WWOX: variants seen among roughly 807,000 people sequenced by gnomAD.
The protein encoded by WWOX is WW domain-containing oxidoreductase.
In WWOX, 69 loss-of-function variants were observed where a neutral mutation model predicts 46.2. That is an observed-to-expected ratio of 1.49 (90% CI 1.23 to 1.82). The LOEUF is 1.82. WWOX is among the 40% of genes most tolerant of loss of function. WWOX has a pLI of 0.00. For synonymous variants in WWOX, 359 were observed against 202.6 expected, an observed-to-expected ratio of 1.77 and a Z score of -6.56; for missense variants, 919 against 542.6, an observed-to-expected ratio of 1.69 and a Z score of -6.89.
intron 5 of WWOX, among the ~76,000 whole-genome samples, chr16:78,370,130 C>CCAA (rs2081636448): frequency 1.3e-5 from 1 of 76,110 alleles, no homozygotes; most frequent in African/African-American, 5.5e-5. Context: ...AGACTGTCTC[C>CCAA]AAAAAAAAAA....
At chr16:78,379,516 G>A (rs150450110) in intron 5 of WWOX, among the ~76,000 whole-genome samples, 7 of 152,296 alleles carry the variant, frequency 4.6e-5, no homozygotes, top group African/African-American at 1.4e-4. Context: ...TTCCAACACA[G>A]CATAACAAAG....
chr16:78,209,176 G>C (rs759617690), intron 5 of WWOX, among the ~76,000 whole-genome samples: 11 of 152,144 alleles, frequency 7.2e-5, no homozygotes, highest in Non-Finnish European at 1.6e-4. Context: ...AATACAATGG[G>C]TAAAACCAGT....
chr16:78,527,553 C>A (rs1377963669), intron 8 of WWOX, among the ~76,000 whole-genome samples: 3 of 152,134 alleles, frequency 2.0e-5, no homozygotes, highest in Admixed American at 2.0e-4. Context: ...CTCAGCCAGC[C>A]AAAGTGCTGG....
intron 5 of WWOX, among the ~76,000 whole-genome samples, chr16:78,172,159 A>G (rs1425752883): frequency 6.6e-6 from 1 of 152,086 alleles, no homozygotes; most frequent in Non-Finnish European, 1.5e-5. Flanking sequence ...CTCATACATT[A>G]TTTGCATTTA....
At chr16:78,306,863 C>G (rs112500247) in intron 5 of WWOX, among the ~76,000 whole-genome samples, 1 of 151,944 alleles carries the variant, frequency 6.6e-6, no homozygotes, top group Admixed American at 6.6e-5. Flanking sequence ...CTGAGCCCCA[C>G]TCCTTCCCAC....
At chr16:79,042,698 A>C (rs1319118836) in intron 8 of WWOX, among the ~76,000 whole-genome samples, 5 of 149,990 alleles carry the variant, frequency 3.3e-5, no homozygotes, top group East Asian at 3.9e-4. Flanking sequence ...CTTCAGGAAG[A>C]CTTTGTGGGA....
intron 8 of WWOX, among the ~76,000 whole-genome samples, chr16:79,054,499 A>G (rs1012684492): frequency 3.9e-5 from 6 of 152,164 alleles, no homozygotes; most frequent in Admixed American, 3.9e-4. Context: ...AGGGGAATAC[A>G]TTAATTTCTG....
chr16:78,758,500 A>G (rs1281029039), intron 8 of WWOX, among the ~76,000 whole-genome samples: 1 of 152,234 alleles, frequency 6.6e-6, no homozygotes, highest in Admixed American at 6.5e-5. Context: ...GCTTCCCCCA[A>G]GTGTGTTTCC....
chr16:78,219,367 T>A (rs1361448208), intron 5 of WWOX, among the ~76,000 whole-genome samples: 1 of 152,240 alleles, frequency 6.6e-6, no homozygotes, highest in Non-Finnish European at 1.5e-5. Context: ...TCGTAGGTTA[T>A]GAGTTTTTTA....
chr16:79,071,340 C>G (rs2048546845), intron 8 of WWOX, among the ~76,000 whole-genome samples: 1 of 152,094 alleles, frequency 6.6e-6, no homozygotes, highest in African/African-American at 2.4e-5. Flanking sequence ...AGTTGGTGTA[C>G]TTGTTAAAGG....
In WWOX at chr16:78,947,310, G is replaced by T. The variant is rs376819844; in HGVS notation, c.1057-264298G>T. On this transcript the variant is annotated intron_variant, in intron 8 of 8. Transcript: ENST00000566780. The stretch of plus-strand genomic sequence containing the variant: ...TTTCTGCCTGAAGCAATAAAGGCAG[G>T]AACGCTGTCATTAGCTTCAAACACC... Among the ~76,000 whole-genome samples, 9 of 152,286 alleles carry T rather than the reference G, an allele frequency of 5.9e-5. No individual in the cohort carries two copies. In the South Asian group the frequency reaches 1.9e-3, roughly 32 times the overall value.
At chr16:78,551,263 C>T (rs1051975745) in intron 8 of WWOX, 30 of 152,136 alleles carry the variant, frequency 2.0e-4, no homozygotes, top group Admixed American at 1.3e-4. Flanking sequence ...ACAGCATGCT[C>T]CTATATCTTT....
intron 8 of WWOX, among the ~76,000 whole-genome samples, chr16:79,184,090 A>G (rs574506212): frequency 6.6e-6 from 1 of 152,308 alleles, no homozygotes; most frequent in Admixed American, 6.5e-5. Flanking sequence ...CAAAATGGGG[A>G]AAAGTGGCAG....
intron 8 of WWOX, among the ~76,000 whole-genome samples, chr16:78,558,661 A>G (rs369647526): frequency 1.3e-5 from 2 of 152,284 alleles, no homozygotes; most frequent in Admixed American, 6.5e-5. Context: ...GTTGGTTCTC[A>G]TAGGTCTCCC....
chr16:79,044,146 C>G (rs1597318892), intron 8 of WWOX, among the ~76,000 whole-genome samples: 1 of 152,182 alleles, frequency 6.6e-6, no homozygotes, highest in South Asian at 2.1e-4. Context: ...CTGGGAATCC[C>G]AAACAGCAAA....
chr16:78,305,345 C>T (rs960713179), intron 5 of WWOX, among the ~76,000 whole-genome samples: 7 of 152,254 alleles, frequency 4.6e-5, no homozygotes, highest in East Asian at 1.9e-4. Context: ...TCTGTCCCTC[C>T]GGCCTCCTTG....
chr16:78,659,451 T>C (rs1459282699), intron 8 of WWOX, among the ~76,000 whole-genome samples: 1 of 152,104 alleles, frequency 6.6e-6, no homozygotes, highest in African/African-American at 2.4e-5. Flanking sequence ...CCAGAAACTC[T>C]GGGAGTAGGG....
chr16:78,478,852 A>G (rs572641453), intron 8 of WWOX, among the ~76,000 whole-genome samples: 1 of 152,106 alleles, frequency 6.6e-6, no homozygotes, highest in East Asian at 1.9e-4. Context: ...CTTTCCTTGG[A>G]CAAGCCCTTT....
intron 8 of WWOX, among the ~76,000 whole-genome samples, chr16:79,094,110 C>T (rs962433247): frequency 2.6e-5 from 4 of 152,192 alleles, no homozygotes; most frequent in African/African-American, 9.7e-5. Flanking sequence ...ACTCCTCTAT[C>T]CTGTGAATGC....
Sources: allele counts gnomAD v4.1 joint callset (sites outside exome capture counted in the v4.1 genomes callset), GRCh38; gene constraint gnomAD v4.1.1; transcripts MANE v1.5; gene names NCBI Gene and HGNC (gene_info 2026-07-23, HGNC 2026-07-21).